The following PDE10A variants were observed in gnomAD, a reference collection of about 807,000 sequenced individuals.
PDE10A encodes phosphodiesterase 10A.
In PDE10A, 39 loss-of-function variants were observed where a neutral mutation model predicts 97.7. That is an observed-to-expected ratio of 0.40 (90% CI 0.31 to 0.52). The LOEUF (loss-of-function observed/expected upper bound fraction) is 0.52. Among genes scored for constraint, PDE10A ranks in the 20% least tolerant of loss-of-function variants. The pLI is 0.56. For missense variants in PDE10A, 731 were observed against 1,047.8 expected, an observed-to-expected ratio of 0.70 and a Z score of 4.17; for synonymous variants, 371 against 376.8, an observed-to-expected ratio of 0.98 and a Z score of 0.18.
chr6:165,366,086 A>C (rs1409424513), intron 18 of PDE10A, among the ~76,000 whole-genome samples: 1 of 152,146 alleles, frequency 6.6e-6, no homozygotes, highest in Non-Finnish European at 1.5e-5. Flanking sequence ...TTAGAGAAAA[A>C]CCTTCTATCC....
intron 1 of PDE10A, among the ~76,000 whole-genome samples, chr6:165,568,674 C>G (rs1784910173): frequency 1.3e-5 from 2 of 152,136 alleles, no homozygotes; most frequent in Non-Finnish European, 2.9e-5. Context: ...AATAGTGATG[C>G]TGGCAATTCA....
At chr6:165,825,796 T>A (rs1779725431) in intron 1 of PDE10A, among the ~76,000 whole-genome samples, 1 of 152,144 alleles carries the variant, frequency 6.6e-6, no homozygotes, top group Non-Finnish European at 1.5e-5. Context: ...ACGGCCTATG[T>A]GAATCCTCAA....
At chr6:165,445,061 T>G (rs1001933040) in intron 5 of PDE10A, among the ~76,000 whole-genome samples, 3 of 152,172 alleles carry the variant, frequency 2.0e-5, no homozygotes, top group African/African-American at 7.2e-5. Context: ...TTTTAAAGAT[T>G]GACAATTATG....
chr6:165,434,407 T>A (rs1243967770), intron 6 of PDE10A, among the ~76,000 whole-genome samples: 1 of 151,802 alleles, frequency 6.6e-6, no homozygotes, highest in Non-Finnish European at 1.5e-5. Flanking sequence ...GCAATTTTTT[T>A]ACACCTGTGT....
chr6:165,724,504 C>T (rs1792244151), intron 1 of PDE10A, among the ~76,000 whole-genome samples: 1 of 152,230 alleles, frequency 6.6e-6, no homozygotes, highest in Non-Finnish European at 1.5e-5. Context: ...CCCATGGCTT[C>T]AGAACCTCCA....
Position 165,845,192 on chromosome 6 carries a change from G to A in PDE10A, c.-615+142337C>T, listed in dbSNP as rs117697832. Among the ~76,000 whole-genome samples, 29 of 152,304 alleles carry A rather than the reference G, an allele frequency of 1.9e-4. No individual in the cohort carries two copies. The East Asian group carries it at 2.9e-3, about 15-fold the overall frequency. ...TCAGGGCATGTGTGTGATGAAAAAC[G>A]GTTTCAATGTTACAGGGTCTGATCC... On this transcript the variant is annotated intron_variant, in intron 1 of 19. Coordinates refer to the PDE10A transcript ENST00000366882.
intron 1 of PDE10A, among the ~76,000 whole-genome samples, chr6:165,840,758 ATAAAG>A (rs370437521): frequency 4.9e-4 from 75 of 152,370 alleles, no homozygotes; most frequent in African/African-American, 1.5e-3. Context: ...TTAGTAAAAG[ATAAAG>A]TAAAGGACCA....
chr6:165,691,591 G>GCACACA (rs965998795), intron 1 of PDE10A, among the ~76,000 whole-genome samples: 3,739 of 51,604 alleles, frequency 0.072, 92 homozygotes, highest in Middle Eastern at 0.27. Context: ...GCACGCGCGC[G>GCACACA]CACACACACA....
intron 1 of PDE10A, among the ~76,000 whole-genome samples, chr6:165,961,580 T>C (rs905583227): frequency 3.9e-5 from 6 of 152,198 alleles, no homozygotes; most frequent in African/African-American, 7.2e-5. Flanking sequence ...ACTTACCCCT[T>C]GTTTGGTTTG....
At chr6:165,523,559 T>G (rs1320612624) in intron 2 of PDE10A, among the ~76,000 whole-genome samples, 2 of 152,136 alleles carry the variant, frequency 1.3e-5, no homozygotes, top group Non-Finnish European at 2.9e-5. Context: ...ATTAACTGGC[T>G]AGCTATATGC....
At chr6:165,834,833 G>C (rs1780025622) in intron 1 of PDE10A, among the ~76,000 whole-genome samples, 1 of 152,236 alleles carries the variant, frequency 6.6e-6, no homozygotes, top group South Asian at 2.1e-4. Context: ...CAGCCACGTG[G>C]AGCCATGACA....
intron 18 of PDE10A, among the ~76,000 whole-genome samples, chr6:165,347,366 T>C (rs1039893319): frequency 1.3e-5 from 2 of 152,190 alleles, no homozygotes; most frequent in Non-Finnish European, 2.9e-5. Flanking sequence ...AAACATGATA[T>C]AGTAATTATC....
At chr6:165,794,684 G>A (rs1372694080) in intron 1 of PDE10A, among the ~76,000 whole-genome samples, 1 of 151,968 alleles carries the variant, frequency 6.6e-6, no homozygotes, top group Admixed American at 6.6e-5. Flanking sequence ...CACACTGACA[G>A]GAATATTTTC....
intron 18 of PDE10A, among the ~76,000 whole-genome samples, chr6:165,346,269 A>C (rs1240970486): frequency 6.6e-6 from 1 of 152,084 alleles, no homozygotes; most frequent in Non-Finnish European, 1.5e-5. Flanking sequence ...TTCAGATGAG[A>C]GGTGAGGGCA....
At chr6:165,959,186 G>A (rs1784284114) in intron 1 of PDE10A, among the ~76,000 whole-genome samples, 1 of 152,172 alleles carries the variant, frequency 6.6e-6, no homozygotes, top group African/African-American at 2.4e-5. Context: ...AATATGTCCT[G>A]TGGATGTGGA....
At chr6:165,583,869 T>C (rs543120310) in intron 1 of PDE10A, among the ~76,000 whole-genome samples, 1 of 152,258 alleles carries the variant, frequency 6.6e-6, no homozygotes, top group East Asian at 1.9e-4. Flanking sequence ...GATTTACTAC[T>C]AAAATGTTCA....
intron 1 of PDE10A, among the ~76,000 whole-genome samples, chr6:165,796,241 G>A (rs1230178978): frequency 1.3e-5 from 2 of 151,586 alleles, no homozygotes; most frequent in African/African-American, 2.4e-5. Flanking sequence ...GACTACAGGC[G>A]CCCGCCACCA....
intron 1 of PDE10A, among the ~76,000 whole-genome samples, chr6:165,636,387 A>T (rs552540411): frequency 3.3e-4 from 51 of 152,354 alleles, no homozygotes; most frequent in Admixed American, 3.9e-4. Context: ...TTGAAATATG[A>T]CTTGCCAAGT....
Position 165,903,074 on chromosome 6 carries a change from T to C in PDE10A, c.-615+84455A>G, listed in dbSNP as rs79225256. On this transcript the variant is annotated intron_variant, in intron 1 of 19. Transcript: ENST00000366882. ...TTTTTCCTCATCTCCTACATTTAACTCTTTGTCAAGTCCTGTTGCTTTACT... is the reference window on the plus strand; with the variant it reads ...TTTTTCCTCATCTCCTACATTTAACCCTTTGTCAAGTCCTGTTGCTTTACT... 9.4e-3 allele frequency among the ~76,000 whole-genome samples: 1,439 copies of C among 152,304 alleles called. 18 individuals carry two copies. Among genetic ancestry groups the C allele is most frequent in the African/African-American group, 0.031 (1,298 of 41,558 alleles).
Sources: gnomAD v4.1 joint callset for allele counts (sites outside exome capture counted in the v4.1 genomes callset) on GRCh38, gnomAD v4.1.1 for gene constraint, MANE v1.5 for transcripts, NCBI Gene and HGNC (gene_info 2026-07-23, HGNC 2026-07-21) for gene names.